Variants in ENOPH1 observed in about 807,000 individuals in gnomAD.
The protein encoded by ENOPH1 is enolase-phosphatase 1, also known as enolase-phosphatase E1.
A neutral mutation model predicts 31.1 loss-of-function variants in ENOPH1; 14 were observed. The ratio of observed to expected loss-of-function variants is 0.45; its 90% CI spans 0.30 to 0.70. The LOEUF is 0.70. ENOPH1 is among the 30% of genes least tolerant of loss of function. ENOPH1 has a pLI of 0.09. For missense variants in ENOPH1, 243 were observed against 321.5 expected (o/e 0.76, Z 1.87); for synonymous variants, 127 against 123.2 (o/e 1.03, Z -0.21).
intron 1 of ENOPH1, among the ~76,000 whole-genome samples, chr4:82,434,468 C>A (rs1184446563): frequency 6.6e-6 from 1 of 152,144 alleles, no homozygotes. Context: ...AATCCCAGCA[C>A]TTTGGGAGGC....
In ENOPH1 at chr4:82,434,348, C is replaced by T. The variant is rs147333995; in HGVS notation, c.84+3435C>T. On this transcript the variant is annotated intron_variant, in intron 1 of 5. Coordinates refer to ENST00000273920, the MANE Select transcript of ENOPH1 (RefSeq NM_021204.5). The stretch of plus-strand genomic sequence containing the variant: ...CATGTAATCCCAGCACTTTGGGACG[C>T]CGAAGCAGGTGGATCTCTTGAGGTC... Among the ~76,000 whole-genome samples the T allele has an allele frequency of 1.5e-3, 222 of 152,268 alleles. 1 individual carries two copies. Among genetic ancestry groups the T allele is most frequent in the African/African-American group, 5.1e-3 (210 of 41,560 alleles).
At chr4:82,446,671 T>G (rs532916750) in intron 1 of ENOPH1, among the ~76,000 whole-genome samples, 5 of 148,168 alleles carry the variant, frequency 3.4e-5, no homozygotes, top group East Asian at 1.9e-4. Context: ...ACTTTTTTTT[T>G]TTTTTGTGTG....
rs200920472 is a variant in ENOPH1 at position 82,443,726 on chromosome 4, C to CA, written c.85-4184dup. 8.0e-4 allele frequency among the ~76,000 whole-genome samples: 99 copies of CA among 124,312 alleles called. 2 individuals carry two copies. The highest frequency in any genetic ancestry group is 1.8e-3 in the African/African-American group (62 of 34,956). The allele number at this position is 124,312 out of a possible 152,430, so 81.6% of individuals were successfully genotyped here. ...CTGGGACAGAGTGAGACTCCAGTCT[C>CA]AAAAAAAAAAGGGAAATAATAGCCC... On this transcript the variant is annotated intron_variant, in intron 1 of 5. Coordinates refer to ENST00000273920, the MANE Select transcript of ENOPH1 (RefSeq NM_021204.5).
At chr4:82,439,598 T>C (rs1721991415) in intron 1 of ENOPH1, among the ~76,000 whole-genome samples, 2 of 152,162 alleles carry the variant, frequency 1.3e-5, no homozygotes, top group African/African-American at 2.4e-5. Context: ...AAAGACCTGA[T>C]TGGTAAACTA....
At chr4:82,433,048 A>G (rs965352047) in intron 1 of ENOPH1, among the ~76,000 whole-genome samples, 1 of 152,066 alleles carries the variant, frequency 6.6e-6, no homozygotes, top group African/African-American at 2.4e-5. Context: ...AGGAGTCCTC[A>G]TTTTTGTAAT....
At chr4:82,448,918 C>T (rs897028140) in intron 2 of ENOPH1, among the ~76,000 whole-genome samples, 8 of 151,218 alleles carry the variant, frequency 5.3e-5, no homozygotes, top group Admixed American at 2.0e-4. Flanking sequence ...ATTAGCCGGG[C>T]GTAGTGGCCG....
intron 1 of ENOPH1, among the ~76,000 whole-genome samples, chr4:82,437,469 C>T (rs1721937268): frequency 6.6e-6 from 1 of 152,198 alleles, no homozygotes; most frequent in South Asian, 2.1e-4. Flanking sequence ...CATGCCCTTT[C>T]TTGCTGCCAC....
chr4:82,433,881 C>T (rs1008432973), intron 1 of ENOPH1, among the ~76,000 whole-genome samples: 2 of 152,096 alleles, frequency 1.3e-5, no homozygotes, highest in South Asian at 2.1e-4. Context: ...AATCTGAGCA[C>T]GGAAAGGTTG....
chr4:82,457,218 C>A (rs1023495370), intron 5 of ENOPH1, among the ~76,000 whole-genome samples, 180 bp downstream of exon 5: 4 of 150,448 alleles, frequency 2.7e-5, no homozygotes, highest in African/African-American at 4.9e-5. Flanking sequence ...AAAAAAAAAA[C>A]ACAGCAGTGA....
chr4:82,438,119 C>T, intron 1 of ENOPH1, among the ~76,000 whole-genome samples: 1 of 152,136 alleles, frequency 6.6e-6, no homozygotes, highest in Admixed American at 6.5e-5. Context: ...AAACTTGCAT[C>T]TGTTAATGTA....
rs1331540306 is a variant in ENOPH1 at position 82,430,865 on chromosome 4, G to A, written c.36G>A (p.Val12=). Residue 12 remains valine, a synonymous_variant, in exon 1 of 6, where the codon GTG becomes GTA. Coordinates refer to ENST00000273920, the MANE Select transcript of ENOPH1 (RefSeq NM_021204.5). The part of the protein sequence containing the change: ...VVLSVPAEVT[V]ILLDIEGTTT... The stretch of plus-strand genomic sequence containing the variant: ...TTTCGGTCCCCGCCGAAGTCACCGT[G>A]ATCCTGTTAGATATCGAAGGTACCA... The A allele has an allele frequency of 3.1e-6, 5 of 1,614,210 alleles. No homozygotes were observed. The highest frequency in any genetic ancestry group is 1.7e-5 in the Admixed American group (1 of 60,034).
At chr4:82,436,172 T>C (rs906743332) in intron 1 of ENOPH1, among the ~76,000 whole-genome samples, 2 of 152,144 alleles carry the variant, frequency 1.3e-5, no homozygotes, top group African/African-American at 4.8e-5. Context: ...ACGCAGGATA[T>C]TGTTGATCTC....
At chr4:82,442,627 A>G (rs1722070101) in intron 1 of ENOPH1, among the ~76,000 whole-genome samples, 1 of 152,222 alleles carries the variant, frequency 6.6e-6, no homozygotes, top group African/African-American at 2.4e-5. Context: ...ATTGCAGAAA[A>G]GAGATATGCA....
chr4:82,445,487 G>A (rs1277655940), intron 1 of ENOPH1, among the ~76,000 whole-genome samples: 1 of 152,058 alleles, frequency 6.6e-6, no homozygotes, highest in Non-Finnish European at 1.5e-5. Context: ...TAGGAGTCCC[G>A]CTTTGTTACC....
chr4:82,457,026 G>T lies in ENOPH1; in HGVS notation c.634G>T (p.Asp212Tyr). The change falls in exon 5 of 6, where the codon GAT (aspartate) becomes TAT (tyrosine). Residue 212 changes from aspartate (D) to tyrosine (Y), a missense_variant. Asp to Tyr is a radical substitution (Grantham distance 160). Coordinates refer to ENST00000273920, the MANE Select transcript of ENOPH1 (RefSeq NM_021204.5). ...CSTNNILFLT[D>Y]VTREASAAEE... is the part of the protein sequence containing the mutation. ...AACCAACAACATTTTGTTTCTGACA[G>T]ATGTTACTCGAGGTGAGTAATAGAC... 6.2e-7 allele frequency: 1 copy of T among 1,613,902 alleles called. No individual in the cohort carries two copies. Among genetic ancestry groups the T allele is most frequent in the Non-Finnish European group, 8.5e-7 (1 of 1,179,914 alleles).
At chr4:82,450,912 G>A (rs1195539122) in intron 2 of ENOPH1, 131 bp from the exon 3 acceptor site, 1 of 654,230 alleles carries the variant, frequency 1.5e-6, no homozygotes, top group Non-Finnish European at 2.7e-6. Flanking sequence ...CAAAGTATAT[G>A]ATGTTTCAAT....
intron 2 of ENOPH1, among the ~76,000 whole-genome samples, chr4:82,448,325 G>A (rs563037956): frequency 8.0e-5 from 12 of 150,872 alleles, no homozygotes; most frequent in Non-Finnish European, 1.6e-4. Context: ...GTGGTGGTGT[G>A]ATCTTAGCTC....
At chr4:82,432,754 C>T (rs1051085897) in intron 1 of ENOPH1, among the ~76,000 whole-genome samples, 19 of 152,206 alleles carry the variant, frequency 1.2e-4, no homozygotes, top group Non-Finnish European at 2.8e-4. Context: ...ATTCTGGTGC[C>T]TCAGCCTTCC....
intron 5 of ENOPH1, among the ~76,000 whole-genome samples, chr4:82,459,569 C>G (rs1448451092): frequency 6.6e-6 from 1 of 152,038 alleles, no homozygotes; most frequent in Admixed American, 6.6e-5. Context: ...CCGTGCCCAG[C>G]CCCATATCAT....
Sources: gnomAD v4.1 joint callset for allele counts (sites outside exome capture counted in the v4.1 genomes callset) on GRCh38, gnomAD v4.1.1 for gene constraint, MANE v1.5 for transcripts, NCBI Gene and HGNC (gene_info 2026-07-23, HGNC 2026-07-21) for gene names.